Variants in CCDC171 observed in about 807,000 individuals in gnomAD.
CCDC171 encodes the protein coiled-coil domain containing 171.
A neutral mutation model predicts 168.2 loss-of-function variants in CCDC171; 177 were observed. The ratio of observed to expected loss-of-function variants is 1.05; its 90% confidence interval spans 0.93 to 1.19. The LOEUF (loss-of-function observed/expected upper bound fraction) is 1.19, where lower values mean the gene tolerates loss of function less well. Among genes scored for constraint, CCDC171 ranks in the 50% most tolerant of loss-of-function variants. CCDC171 has a pLI of 0.00. For missense variants in CCDC171, 1,991 were observed against 1,539.0 expected, an observed-to-expected ratio of 1.29 and a Z score of -4.91; for synonymous variants, 687 against 540.8, an observed-to-expected ratio of 1.27 and a Z score of -3.75.
chr9:15,996,475 G>A (rs944737578), intron 3 of CCDC171, among the ~76,000 whole-genome samples: 1 of 102,182 alleles, frequency 9.8e-6, no homozygotes, highest in Non-Finnish European at 1.8e-5. Context: ...ACTGTGTATT[G>A]TGCACCTGTG....
intron 21 of CCDC171, among the ~76,000 whole-genome samples, chr9:15,785,241 G>A (rs2057880360): frequency 6.6e-6 from 1 of 152,002 alleles, no homozygotes; most frequent in African/African-American, 2.4e-5. Flanking sequence ...TTCATTAATG[G>A]GTTTAAATGT....
At chr9:15,752,923 A>C (rs2055853716) in intron 18 of CCDC171, among the ~76,000 whole-genome samples, 1 of 152,114 alleles carries the variant, frequency 6.6e-6, no homozygotes, top group Non-Finnish European at 1.5e-5. Context: ...TATGTTACTA[A>C]TATTCTTTGT....
chr9:15,979,019 T>C (rs1831709053), downstream of CCDC171, among the ~76,000 whole-genome samples: 1 of 152,176 alleles, frequency 6.6e-6, no homozygotes, highest in Non-Finnish European at 1.5e-5. Context: ...CTTCCTTCAT[T>C]GAGACTTAAC....
rs184176338 is a variant in CCDC171 at position 15,937,290 on chromosome 9, G to A, written c.3753+16868G>A. ...ACTTCCTTTGCCTCAAGCTGGTTCAGAGACAACCTCAGTTTACTTTTGGAA... is the reference window on the plus strand; with the variant it reads ...ACTTCCTTTGCCTCAAGCTGGTTCAAAGACAACCTCAGTTTACTTTTGGAA... On this transcript the variant is annotated intron_variant, in intron 25 of 25. Coordinates refer to ENST00000380701, the MANE Select transcript of CCDC171 (RefSeq NM_173550.4). 3.2e-3 allele frequency among the ~76,000 whole-genome samples: 491 copies of A among 152,046 alleles called. 2 individuals are homozygous for A. The highest frequency in any genetic ancestry group is 0.017 in the Middle Eastern group (5 of 294).
At chr9:15,909,620 GT>G (rs1823315228) in intron 24 of CCDC171, among the ~76,000 whole-genome samples, 1 of 152,106 alleles carries the variant, frequency 6.6e-6, no homozygotes, top group Admixed American at 6.6e-5. Flanking sequence ...CACAGTTGCT[GT>G]TTGCGTGCTA....
intron 6 of CCDC171, among the ~76,000 whole-genome samples, chr9:15,607,623 G>C (rs142755003): frequency 0.013 from 1,978 of 152,082 alleles, 42 homozygotes; most frequent in African/African-American, 0.045. Flanking sequence ...CACCACACCT[G>C]GCTAATTTTT....
intron 3 of CCDC171, among the ~76,000 whole-genome samples, chr9:15,995,810 G>A (rs1255494304): frequency 6.6e-6 from 1 of 152,150 alleles, no homozygotes; most frequent in Non-Finnish European, 1.5e-5. Context: ...TCAGTTTTCA[G>A]TTCATCATGA....
chr9:16,051,453 T>C (rs1191845394), intron 1 of CCDC171, among the ~76,000 whole-genome samples: 1 of 152,184 alleles, frequency 6.6e-6, no homozygotes, highest in Non-Finnish European at 1.5e-5. Context: ...GTAAGTTTGC[T>C]CTGGTTCTGT....
In CCDC171 at chr9:15,594,202, A is replaced by G. The variant is rs754356141; in HGVS notation, c.675+30A>G. ...TTTAAAAATAATCAGTTCCTTAAAT[A>G]TATATTTTTAATGCTTATGATATTC... On this transcript the variant is annotated intron_variant, in intron 6 of 25. Transcript: ENST00000380701. 56 of 1,147,864 alleles carry G rather than the reference A, an allele frequency of 4.9e-5. No homozygotes were observed. The South Asian group carries it at 7.9e-4, about 16-fold the overall frequency. The allele number at this position is 1,147,864 out of a possible 1,614,324, so 71.1% of individuals were successfully genotyped here. A position where few individuals can be genotyped will look rare whatever the true frequency, so the allele number is the denominator to read the frequency against.
At chr9:15,932,165 A>ATAGGGACT (rs1589161929) in intron 25 of CCDC171, among the ~76,000 whole-genome samples, 1 of 151,700 alleles carries the variant, frequency 6.6e-6, no homozygotes, top group East Asian at 1.9e-4. Context: ...TGGTCTTTTG[A>ATAGGGACT]TAGGGACTGC....
chr9:15,890,528 A>G (rs1399384092), intron 24 of CCDC171, among the ~76,000 whole-genome samples: 9 of 139,882 alleles, frequency 6.4e-5, no homozygotes, highest in Non-Finnish European at 1.4e-4. Context: ...GAGGATTGGT[A>G]AGGTTTTTTT....
At chr9:15,648,843 A>G (rs1427161933) in intron 7 of CCDC171, among the ~76,000 whole-genome samples, 2 of 152,198 alleles carry the variant, frequency 1.3e-5, no homozygotes, top group Non-Finnish European at 2.9e-5. Context: ...TATTGATTCA[A>G]TGCCATCCCC....
intron 18 of CCDC171, among the ~76,000 whole-genome samples, chr9:15,758,603 G>T (rs2056270121): frequency 6.6e-6 from 1 of 152,162 alleles, no homozygotes; most frequent in South Asian, 2.1e-4. Context: ...GTGAGGACAT[G>T]AGATGTGGGA....
the CCDC171 span, among the ~76,000 whole-genome samples, chr9:16,071,712 T>G: frequency 6.6e-6 from 1 of 152,226 alleles, no homozygotes; most frequent in South Asian, 2.1e-4. Flanking sequence ...CTTTTATTCC[T>G]TCTTCTCTTT....
At chr9:16,061,362 G>C (rs1230657159), downstream of CCDC171, 1 of 152,122 alleles carries the variant, frequency 6.6e-6, no homozygotes, top group Non-Finnish European at 1.5e-5. Context: ...GATTCTGTTG[G>C]CAGCACCTTA....
chr9:15,595,186 T>C (rs1224731710), intron 6 of CCDC171, among the ~76,000 whole-genome samples: 1 of 152,066 alleles, frequency 6.6e-6, no homozygotes, highest in East Asian at 1.9e-4. Context: ...TTAGGGTACA[T>C]GTGCACAGCG....
intron 18 of CCDC171, among the ~76,000 whole-genome samples, chr9:15,757,455 G>T (rs1043041180): frequency 6.6e-6 from 1 of 152,150 alleles, no homozygotes; most frequent in Non-Finnish European, 1.5e-5. Context: ...AGCAAAAGAG[G>T]TGACTTGGGT....
chr9:15,603,259 A>T (rs1056701126), intron 6 of CCDC171, among the ~76,000 whole-genome samples: 5 of 151,984 alleles, frequency 3.3e-5, no homozygotes, highest in African/African-American at 9.7e-5. Flanking sequence ...GCTGGGATTT[A>T]TTTTAAGTTT....
rs180933450 is a variant in CCDC171, at chr9:15,746,873, G to C, written c.2671+1242G>C. On this transcript the variant is annotated intron_variant, in intron 18 of 25. Transcript: ENST00000380701. The stretch of plus-strand genomic sequence containing the variant: ...AAGGGAAGCTGTGAGAGACTGTACT[G>C]GGAGGAATGGTACACTTCTGCTCAA... Among the ~76,000 whole-genome samples, 259 of 152,310 alleles carry C rather than the reference G, an allele frequency of 1.7e-3. 2 individuals carry two copies. Among genetic ancestry groups the C allele is most frequent in the Admixed American group, 1.1e-3 (17 of 15,304 alleles).
Sources: gnomAD v4.1 joint callset for allele counts (sites outside exome capture counted in the v4.1 genomes callset) on GRCh38, gnomAD v4.1.1 for gene constraint, MANE v1.5 for transcripts, NCBI Gene and HGNC (gene_info 2026-07-23, HGNC 2026-07-21) for gene names.